ARMC9: variants seen among roughly 807,000 people sequenced by gnomAD.
ARMC9 encodes armadillo repeat containing 9.
Under a neutral mutation model 107.0 loss-of-function variants are expected in ARMC9, and 94 were observed. The ratio of observed to expected loss-of-function variants is 0.88; its 90% confidence interval spans 0.74 to 1.04. The LOEUF (loss-of-function observed/expected upper bound fraction) is 1.04. ARMC9 is among the 50% of genes least tolerant of loss of function. ARMC9 has a pLI of 0.00. For missense variants in ARMC9, 942 were observed against 1,030.1 expected (o/e 0.91, Z 1.17); for synonymous variants, 380 against 396.9 (o/e 0.96, Z 0.51).
At chr2:231,260,609 A>G (rs375878768) in intron 11 of ARMC9, among the ~76,000 whole-genome samples, 32 of 152,290 alleles carry the variant, frequency 2.1e-4, no homozygotes, top group South Asian at 2.1e-3. Context: ...AGTCCTGTGG[A>G]CAAGCAGTGG....
At chr2:231,338,766 G>A (rs1327474438) in intron 20 of ARMC9, among the ~76,000 whole-genome samples, 1 of 151,716 alleles carries the variant, frequency 6.6e-6, no homozygotes, top group Non-Finnish European at 1.5e-5. Flanking sequence ...ACACCTCATA[G>A]TTTTTCTTCA....
chr2:231,258,925 T>C, intron 10 of ARMC9, 66 bp from the exon 11 acceptor site: 7 of 1,386,392 alleles, frequency 5.0e-6, no homozygotes, highest in Non-Finnish European at 7.2e-6. Flanking sequence ...GTCATAATGC[T>C]CAGGAGGTGT....
At chr2:231,269,249 G>T (rs1208819365) in intron 12 of ARMC9, among the ~76,000 whole-genome samples, 1 of 151,814 alleles carries the variant, frequency 6.6e-6, no homozygotes, top group Non-Finnish European at 1.5e-5. Context: ...CTTTCATTCT[G>T]GTCTTGAGTT....
chr2:231,228,373 G>A (rs145282980), intron 7 of ARMC9, among the ~76,000 whole-genome samples: 180 of 152,288 alleles, frequency 1.2e-3, no homozygotes, highest in South Asian at 2.5e-3. Context: ...CAGGCGGAGC[G>A]GCCTGGGGCC....
At chr2:231,235,587 A>G (rs991832143) in intron 8 of ARMC9, among the ~76,000 whole-genome samples, 1 of 152,148 alleles carries the variant, frequency 6.6e-6, no homozygotes, top group African/African-American at 2.4e-5. Context: ...GCAGTGTTTT[A>G]CCCATTTTTC....
At chr2:231,275,079 T>C (rs2039647710) in intron 14 of ARMC9, among the ~76,000 whole-genome samples, 2 of 152,226 alleles carry the variant, frequency 1.3e-5, no homozygotes, top group Non-Finnish European at 2.9e-5. Context: ...CTGTTTATCT[T>C]TTCCTCTAAG....
rs958412333 is a variant in ARMC9, at chr2:231,297,891, G to A, written c.1773+1638G>A. On this transcript the variant is annotated intron_variant, in intron 19 of 24. Coordinates refer to ENST00000611582, the MANE Select transcript of ARMC9 (RefSeq NM_001352754.2). This position sits in a 1 kb window ranked among gnomAD's most constrained non-coding sequence, Gnocchi z 4.2. ...TCGAGATCTGTTTTCTTCCCTTCTT[G>A]TATCATCCCTTTGGGTTTTTCGGTT... 1.1e-4 allele frequency among the ~76,000 whole-genome samples: 16 copies of A among 151,902 alleles called. No individual in the cohort carries two copies. Among genetic ancestry groups the A allele is most frequent in the Admixed American group, 2.0e-4 (3 of 15,270 alleles).
chr2:231,251,473 C>G (rs940036361), intron 9 of ARMC9, among the ~76,000 whole-genome samples: 6 of 152,082 alleles, frequency 3.9e-5, no homozygotes, highest in African/African-American at 1.2e-4. Context: ...CCTGGCCACT[C>G]TTAACTAATT....
intron 21 of ARMC9, among the ~76,000 whole-genome samples, chr2:231,349,547 C>G (rs980875783): frequency 2.0e-5 from 3 of 151,986 alleles, no homozygotes; most frequent in Non-Finnish European, 4.4e-5. Flanking sequence ...TTTGGGAGGC[C>G]GAGGCGGGTA....
At chr2:231,252,012 A>G (rs1194981824) in intron 9 of ARMC9, among the ~76,000 whole-genome samples, 2 of 152,210 alleles carry the variant, frequency 1.3e-5, no homozygotes, top group Non-Finnish European at 2.9e-5. Context: ...ATTAGATACT[A>G]AAGTTGTAAT....
At chr2:231,299,021 G>T (rs140645982) in intron 19 of ARMC9, among the ~76,000 whole-genome samples, 3 of 152,116 alleles carry the variant, frequency 2.0e-5, no homozygotes, top group African/African-American at 7.2e-5. Context: ...AAATCTGTGC[G>T]CTCACAACTT....
At chr2:231,262,458 G>A (rs889290101) in intron 12 of ARMC9, 60 bp downstream of exon 12, 25 of 1,420,260 alleles carry the variant, frequency 1.8e-5, no homozygotes, top group Non-Finnish European at 2.5e-5. Flanking sequence ...AATGATCTTA[G>A]CAGATGGGGG....
At chr2:231,344,244 A>C (rs1466503938) in intron 20 of ARMC9, among the ~76,000 whole-genome samples, 2 of 152,194 alleles carry the variant, frequency 1.3e-5, no homozygotes, top group Admixed American at 1.3e-4. Context: ...CTCAAATTTC[A>C]ATCTCTCTAA....
At chr2:231,367,220 G>T (rs112373209) in intron 23 of ARMC9, among the ~76,000 whole-genome samples, 1 of 152,064 alleles carries the variant, frequency 6.6e-6, no homozygotes, top group Non-Finnish European at 1.5e-5. Flanking sequence ...GTGGCAAATT[G>T]CTCTCCAAAA....
intron 19 of ARMC9, among the ~76,000 whole-genome samples, chr2:231,322,694 G>A (rs766540178): frequency 9.2e-5 from 14 of 152,196 alleles, no homozygotes; most frequent in South Asian, 2.1e-4. Flanking sequence ...ATCTCAGCTC[G>A]AGCGCCTTTT....
In ARMC9 at chr2:231,297,689, C is replaced by T. The variant is rs367577139; in HGVS notation, c.1773+1436C>T. Among the ~76,000 whole-genome samples the T allele has an allele frequency of 1.6e-4, 24 of 152,332 alleles. No homozygotes were observed. The East Asian group carries it at 1.9e-3, about 12-fold the overall frequency. On this transcript the variant is annotated intron_variant, in intron 19 of 24. Coordinates refer to ENST00000611582, the MANE Select transcript of ARMC9 (RefSeq NM_001352754.2). The surrounding 1 kb of genome is among the most constrained non-coding windows in gnomAD (Gnocchi z 4.2). ...AGCATAGGAAAGCAGGCACCTGACT[C>T]GTGGGCCATTGTTTGCCAGCCCCTA...
chr2:231,370,833 A>T (rs1156899806), intron 24 of ARMC9: 1 of 268,548 alleles, frequency 3.7e-6, no homozygotes, highest in Non-Finnish European at 7.6e-6. Context: ...CACAGGGAAA[A>T]CAAAAGGACA....
chr2:231,277,088 CAAAG>C (rs914977532), intron 15 of ARMC9, among the ~76,000 whole-genome samples: 83 of 152,222 alleles, frequency 5.5e-4, no homozygotes, highest in African/African-American at 1.9e-3. Flanking sequence ...TTTCTGAAGA[CAAAG>C]AAGTGTGTTC....
At chr2:231,264,287 T>A (rs1056065138) in intron 12 of ARMC9, among the ~76,000 whole-genome samples, 1 of 152,088 alleles carries the variant, frequency 6.6e-6, no homozygotes, top group Non-Finnish European at 1.5e-5. Context: ...CAAGCAATTC[T>A]CCTGCCTCAG....
Sources: gnomAD v4.1 joint callset for allele counts (sites outside exome capture counted in the v4.1 genomes callset) on GRCh38, gnomAD v4.1.1 for gene constraint, Gnocchi (gnomAD v3.1) non-coding constraint, MANE v1.5 for transcripts, NCBI Gene and HGNC (gene_info 2026-07-23, HGNC 2026-07-21) for gene names.